The following DCAF10 variants were observed in gnomAD, a reference collection of about 807,000 sequenced individuals.
DCAF10 encodes DDB1- and CUL4-associated factor 10.
A neutral mutation model predicts 51.9 loss-of-function variants in DCAF10; 19 were observed. The observed-to-expected ratio is 0.37, with a 90% CI of 0.26 to 0.54. DCAF10 has a LOEUF of 0.54. Among genes scored for constraint, DCAF10 ranks in the 20% least tolerant of loss-of-function variants. The pLI, the probability that DCAF10 is intolerant of heterozygous loss-of-function variation, is 0.87. For synonymous variants in DCAF10, 291 were observed against 297.1 expected, an observed-to-expected ratio of 0.98 and a Z score of 0.21; for missense variants, 510 against 730.6, an observed-to-expected ratio of 0.70 and a Z score of 3.48.
intron 2 of DCAF10, among the ~76,000 whole-genome samples, chr9:37,823,220 G>T (rs1343734664): frequency 6.6e-6 from 1 of 152,148 alleles, no homozygotes; most frequent in South Asian, 2.1e-4. Flanking sequence ...CAATGGCTGA[G>T]AATTTTTAGC....
chr9:37,806,959 C>T (rs901867940), intron 1 of DCAF10, among the ~76,000 whole-genome samples: 3 of 152,144 alleles, frequency 2.0e-5, no homozygotes, highest in Non-Finnish European at 4.4e-5. Flanking sequence ...TGCTGTGTTA[C>T]GTTACCTCTC....
intron 3 of DCAF10, among the ~76,000 whole-genome samples, chr9:37,853,859 A>G (rs1352022598): frequency 6.6e-6 from 1 of 151,988 alleles, no homozygotes; most frequent in African/African-American, 2.4e-5. Flanking sequence ...GTGAGCCACC[A>G]CCCCTAGCCT....
intron 3 of DCAF10, among the ~76,000 whole-genome samples, chr9:37,851,676 T>C (rs1404493899): frequency 6.6e-6 from 1 of 151,306 alleles, no homozygotes; most frequent in East Asian, 2.0e-4. Context: ...GCGCTTGTAA[T>C]CCCGGTTACT....
intron 2 of DCAF10, among the ~76,000 whole-genome samples, chr9:37,840,998 T>C (rs774238813): frequency 2.6e-5 from 4 of 152,234 alleles, no homozygotes; most frequent in Admixed American, 6.5e-5. Context: ...ATATATACCA[T>C]ATAACCTCAG....
chr9:37,840,141 CAGTG>C (rs919032865), intron 2 of DCAF10, among the ~76,000 whole-genome samples: 2 of 152,194 alleles, frequency 1.3e-5, no homozygotes, highest in African/African-American at 4.8e-5. Context: ...AACAACATTT[CAGTG>C]AGTGACACCA....
chr9:37,807,723 C>T (rs1471620540), intron 1 of DCAF10, among the ~76,000 whole-genome samples: 22 of 137,988 alleles, frequency 1.6e-4, no homozygotes, highest in African/African-American at 4.7e-4. Context: ...ACTGCAATGG[C>T]GCGATCTTGC....
intron 1 of DCAF10, among the ~76,000 whole-genome samples, chr9:37,807,382 A>G (rs1252595985): frequency 1.3e-5 from 2 of 152,156 alleles, no homozygotes; most frequent in Admixed American, 6.6e-5. Flanking sequence ...ATGACTATAA[A>G]TTTAATGTGG....
Position 37,800,845 on chromosome 9 carries a change from G to C in DCAF10, c.-22G>C, listed in dbSNP as rs906752381. ...TCGGCCGGCGGGGCAGTGGCCCGGAGCGGGGGGCGGGGGCGTTGATCATGT... is the reference window on the plus strand; with the variant it reads ...TCGGCCGGCGGGGCAGTGGCCCGGACCGGGGGGCGGGGGCGTTGATCATGT... On this transcript the variant is annotated 5_prime_UTR_variant, in exon 1 of 7. Transcript: ENST00000377724. 6.7e-7 allele frequency: 1 copy of C among 1,484,458 alleles called. No homozygotes were observed. The highest frequency in any genetic ancestry group is 2.3e-5 in the Admixed American group (1 of 43,740). 92.0% of individuals were successfully genotyped at this position (1,484,458 alleles called of 1,614,324 possible). A position where few individuals can be genotyped will look rare whatever the true frequency, so the allele number is the denominator to read the frequency against.
chr9:37,857,698 G>T (rs923318943), intron 5 of DCAF10, among the ~76,000 whole-genome samples: 2 of 152,152 alleles, frequency 1.3e-5, no homozygotes, highest in Non-Finnish European at 2.9e-5. Flanking sequence ...TATAAGTCAT[G>T]AATTTTCAGG....
chr9:37,832,401 T>C (rs1328493378), intron 2 of DCAF10, among the ~76,000 whole-genome samples: 1 of 150,972 alleles, frequency 6.6e-6, no homozygotes, highest in East Asian at 1.9e-4. Flanking sequence ...GAGGTTGCAG[T>C]GAGCCGAGAT....
chr9:37,812,816 T>A (rs1470645595), intron 1 of DCAF10, among the ~76,000 whole-genome samples: 1 of 152,052 alleles, frequency 6.6e-6, no homozygotes, highest in Non-Finnish European at 1.5e-5. Flanking sequence ...TTATTTTTTG[T>A]AGAGACAAGG....
chr9:37,826,920 G>T (rs372756746), intron 2 of DCAF10, among the ~76,000 whole-genome samples: 12 of 149,140 alleles, frequency 8.0e-5, no homozygotes, highest in East Asian at 5.9e-4. Context: ...CTGCCTTCCA[G>T]GTTCAAGCGA....
At chr9:37,836,285 A>C in intron 2 of DCAF10, 3 of 1,593,376 alleles carry the variant, frequency 1.9e-6, no homozygotes, top group Non-Finnish European at 2.6e-6. Context: ...AGCGAAACTT[A>C]CCTGAAAGGG....
chr9:37,839,946 A>G (rs543180093), intron 2 of DCAF10, among the ~76,000 whole-genome samples: 1 of 152,342 alleles, frequency 6.6e-6, no homozygotes, highest in South Asian at 2.1e-4. Flanking sequence ...GACCCTAGGC[A>G]GACAGGTTCC....
intron 2 of DCAF10, among the ~76,000 whole-genome samples, chr9:37,832,571 A>G (rs1165621378): frequency 6.6e-5 from 10 of 152,196 alleles, no homozygotes; most frequent in Admixed American, 4.6e-4. Context: ...TATAATGCAA[A>G]TGTAGTGCTG....
chr9:37,856,237 G>T lies in DCAF10; in HGVS notation c.1055-1004G>T, dbSNP rs562333952. ...CTGAAAATTCCTTTGGGAAAGTACA[G>T]ACATCATTGTACTGCAGTGCCTGGC... On this transcript the variant is annotated intron_variant, in intron 4 of 6. Coordinates refer to ENST00000377724, the MANE Select transcript of DCAF10 (RefSeq NM_024345.5). Among the ~76,000 whole-genome samples the T allele has an allele frequency of 1.8e-4, 28 of 152,298 alleles. No homozygotes were observed. In the South Asian group the frequency reaches 3.7e-3, roughly 20 times the overall value.
chr9:37,861,342 G>C lies in DCAF10; in HGVS notation c.1514G>C (p.Ser505Thr). 1 of 1,614,234 alleles carries C rather than the reference G, an allele frequency of 6.2e-7. No homozygotes were observed. The highest frequency in any genetic ancestry group is 8.5e-7 in the Non-Finnish European group (1 of 1,180,034). The change falls in exon 7 of 7, where the codon AGT becomes ACT. Residue 505 changes from serine to threonine, a missense_variant. Physicochemically the swap from Ser to Thr is moderately conservative, Grantham distance 58. Coordinates refer to ENST00000377724, the MANE Select transcript of DCAF10 (RefSeq NM_024345.5). The surrounding 1 kb of genome is among the most constrained non-coding windows in gnomAD (Gnocchi z 4.9). Reference sequence around the variant, plus strand: ...TTGTTGGGATTTGACAAACAGTGCAGTGAACTTGTTGACTGCTTGCCCAAA... The same window carrying C: ...TTGTTGGGATTTGACAAACAGTGCACTGAACTTGTTGACTGCTTGCCCAAA... ...IRLLGFDKQC[S>T]ELVDCLPKEA...
Position 37,850,876 on chromosome 9 carries a change from ATATAT to A in DCAF10, c.852-3903_852-3899del, listed in dbSNP as rs1564048943. 1.2e-3 allele frequency among the ~76,000 whole-genome samples: 109 copies of A among 89,248 alleles called. 3 individuals are homozygous for A. The highest frequency in any genetic ancestry group is 5.5e-3 in the Middle Eastern group (1 of 182). 58.6% of individuals were successfully genotyped at this position (89,248 alleles called of 152,430 possible). Reference sequence around the variant, plus strand: ...TATATATATATATATATATATATATATATATAAATTAGCTTGATTTAGCCATTCCA... The same window carrying A: ...TATATATATATATATATATATATATAAAATTAGCTTGATTTAGCCATTCCA... On this transcript the variant is annotated intron_variant, in intron 3 of 6. Coordinates refer to ENST00000377724, the MANE Select transcript of DCAF10 (RefSeq NM_024345.5).
intron 2 of DCAF10, among the ~76,000 whole-genome samples, chr9:37,835,691 G>A (rs2381727): frequency 0.19 from 29,058 of 151,858 alleles, 3,173 homozygotes; most frequent in African/African-American, 0.29. Flanking sequence ...AGAGCTGAGA[G>A]TCACGCCATT....
Sources: gnomAD v4.1 joint callset for allele counts (sites outside exome capture counted in the v4.1 genomes callset) on GRCh38, gnomAD v4.1.1 for gene constraint, Gnocchi (gnomAD v3.1) non-coding constraint, MANE v1.5 for transcripts, NCBI Gene and HGNC (gene_info 2026-07-23, HGNC 2026-07-21) for gene names.